KCNIP4: variants seen among roughly 807,000 people sequenced by gnomAD.
KCNIP4 encodes Kv channel-interacting protein 4.
A neutral mutation model predicts 34.0 loss-of-function variants in KCNIP4; 12 were observed. That is an observed-to-expected ratio of 0.35 (90% confidence interval 0.23 to 0.57). The LOEUF (loss-of-function observed/expected upper bound fraction) is 0.57. KCNIP4 is among the 20% of genes least tolerant of loss of function. KCNIP4 has a pLI of 0.83. For synonymous variants in KCNIP4, 124 were observed against 102.2 expected, an observed-to-expected ratio of 1.21 and a Z score of -1.29; for missense variants, 238 against 311.7, an observed-to-expected ratio of 0.76 and a Z score of 1.78.
chr4:21,707,879 C>T (rs1388804947), intron 1 of KCNIP4, among the ~76,000 whole-genome samples: 1 of 151,442 alleles, frequency 6.6e-6, no homozygotes, highest in Non-Finnish European at 1.5e-5. Flanking sequence ...GAGACGTGTC[C>T]TCAAGCCCAA....
At chr4:21,003,527 C>T (rs2149721646) in intron 1 of KCNIP4, among the ~76,000 whole-genome samples, 1 of 152,144 alleles carries the variant, frequency 6.6e-6, no homozygotes, top group Non-Finnish European at 1.5e-5. Context: ...ATATTTTGTC[C>T]CTGGTGAAAA....
intron 1 of KCNIP4, among the ~76,000 whole-genome samples, chr4:21,842,426 A>G (rs1266113109): frequency 6.6e-6 from 1 of 152,074 alleles, no homozygotes; most frequent in Non-Finnish European, 1.5e-5. Context: ...AGTAATATTT[A>G]TCTCTGAATA....
chr4:21,459,881 C>A (rs2109771214), intron 1 of KCNIP4, among the ~76,000 whole-genome samples: 1 of 152,052 alleles, frequency 6.6e-6, no homozygotes, highest in Admixed American at 6.6e-5. Flanking sequence ...TGCTCTGAGC[C>A]TTGTTCATCT....
chr4:20,990,461 C>A (rs1367096367), intron 1 of KCNIP4, among the ~76,000 whole-genome samples: 1 of 152,206 alleles, frequency 6.6e-6, no homozygotes, highest in Admixed American at 6.5e-5. Flanking sequence ...ATTGAATCCA[C>A]AAGGTCGATT....
chr4:21,873,926 G>C (rs1472983348), intron 1 of KCNIP4, among the ~76,000 whole-genome samples: 1 of 152,194 alleles, frequency 6.6e-6, no homozygotes, highest in African/African-American at 2.4e-5. Flanking sequence ...CTATTGTCAG[G>C]CTAGCTGAAA....
At chr4:21,444,904 A>G (rs1199855464) in intron 1 of KCNIP4, among the ~76,000 whole-genome samples, 2 of 152,236 alleles carry the variant, frequency 1.3e-5, no homozygotes, top group African/African-American at 4.8e-5. Flanking sequence ...AATCTCCTTA[A>G]GCTGATAAGC....
intron 1 of KCNIP4, among the ~76,000 whole-genome samples, chr4:21,660,983 C>G (rs1368684618): frequency 6.6e-6 from 1 of 152,028 alleles, no homozygotes; most frequent in Admixed American, 6.5e-5. Flanking sequence ...TTGCCTTTTC[C>G]AAGACCACTC....
intron 1 of KCNIP4, among the ~76,000 whole-genome samples, chr4:21,133,763 A>AT (rs1164872843): frequency 5.9e-5 from 9 of 151,898 alleles, no homozygotes; most frequent in African/African-American, 1.7e-4. Flanking sequence ...AACTCATGAG[A>AT]TTTTTTCTCA....
chr4:21,811,920 G>A (rs557893190), intron 1 of KCNIP4, among the ~76,000 whole-genome samples: 4 of 152,326 alleles, frequency 2.6e-5, no homozygotes, highest in African/African-American at 9.6e-5. Flanking sequence ...AATAGTGGAG[G>A]TTGCCTTGAA....
At chr4:21,446,073 GAT>G (rs1727959739) in intron 1 of KCNIP4, among the ~76,000 whole-genome samples, 1 of 152,150 alleles carries the variant, frequency 6.6e-6, no homozygotes, top group African/African-American at 2.4e-5. Context: ...ACCACAATGA[GAT>G]ACCATCTCAC....
chr4:21,045,310 G>A (rs1742337251), intron 1 of KCNIP4, among the ~76,000 whole-genome samples: 2 of 152,306 alleles, frequency 1.3e-5, no homozygotes, highest in South Asian at 4.1e-4. Context: ...AATTCAGTAA[G>A]TCTGGGGTGG....
intron 1 of KCNIP4, among the ~76,000 whole-genome samples, chr4:21,510,035 C>T (rs1204682986): frequency 6.9e-6 from 1 of 144,424 alleles, no homozygotes; most frequent in Non-Finnish European, 1.5e-5. Flanking sequence ...CGAGATCGCA[C>T]CATTGCACTC....
At chr4:21,833,898 T>C (rs1009542302) in intron 1 of KCNIP4, among the ~76,000 whole-genome samples, 2 of 152,188 alleles carry the variant, frequency 1.3e-5, no homozygotes, top group Non-Finnish European at 2.9e-5. Flanking sequence ...GATCAGATAG[T>C]TGTAGATATG....
chr4:21,225,210 AT>A (rs1758291254), intron 1 of KCNIP4, among the ~76,000 whole-genome samples: 1 of 152,158 alleles, frequency 6.6e-6, no homozygotes, highest in African/African-American at 2.4e-5. Context: ...TGATGCCCTG[AT>A]CCTTTATCCA....
At chr4:21,451,488 T>C (rs1293862874) in intron 1 of KCNIP4, among the ~76,000 whole-genome samples, 1 of 152,208 alleles carries the variant, frequency 6.6e-6, no homozygotes, top group African/African-American at 2.4e-5. Flanking sequence ...CTCTTGGCCC[T>C]TGATTTTTCT....
chr4:21,492,885 C>T (rs1189891505), intron 1 of KCNIP4, among the ~76,000 whole-genome samples: 1 of 152,170 alleles, frequency 6.6e-6, no homozygotes, highest in Non-Finnish European at 1.5e-5. Context: ...TCCATTCAGG[C>T]CTATTCCAGA....
chr4:20,808,555 T>C (rs924754447), intron 3 of KCNIP4, among the ~76,000 whole-genome samples: 3 of 152,196 alleles, frequency 2.0e-5, no homozygotes, highest in Non-Finnish European at 4.4e-5. Flanking sequence ...CCTTTACATT[T>C]TATCAGTAAA....
rs144193944 is a variant in KCNIP4 at position 21,495,518 on chromosome 4, C to T, written c.61+453053G>A. Among the ~76,000 whole-genome samples, 616 of 151,830 alleles carry T rather than the reference C, an allele frequency of 4.1e-3. 3 individuals are homozygous for T. The highest frequency in any genetic ancestry group is 0.02 in the Middle Eastern group (6 of 294). ...AACAACCTTATTATCATTAATGATCCGATGATGATAAAAGATAAAGAGGTT... is the reference window on the plus strand; with the variant it reads ...AACAACCTTATTATCATTAATGATCTGATGATGATAAAAGATAAAGAGGTT... On this transcript the variant is annotated intron_variant, in intron 1 of 8. Coordinates refer to ENST00000382152, the MANE Select transcript of KCNIP4 (RefSeq NM_025221.6).
intron 1 of KCNIP4, among the ~76,000 whole-genome samples, chr4:21,784,668 A>C (rs1309857927): frequency 2.6e-5 from 4 of 152,180 alleles, no homozygotes; most frequent in African/African-American, 9.7e-5. Flanking sequence ...TTTTATCCTC[A>C]AAGATATATC....
Sources: allele counts gnomAD v4.1 joint callset (sites outside exome capture counted in the v4.1 genomes callset), GRCh38; gene constraint gnomAD v4.1.1; transcripts MANE v1.5; gene names NCBI Gene and HGNC (gene_info 2026-07-23, HGNC 2026-07-21).